LRRC4C: variants seen among roughly 807,000 people sequenced by gnomAD.
The protein encoded by LRRC4C is leucine rich repeat containing 4C.
In LRRC4C, 5 loss-of-function variants were observed where a neutral mutation model predicts 33.6. That is an observed-to-expected ratio of 0.15 (90% CI 0.08 to 0.31). The LOEUF is 0.31. Ranked by LOEUF, LRRC4C falls within the 10% of genes least tolerant of loss-of-function variation. LRRC4C has a pLI of 1.00. For missense variants in LRRC4C, 560 were observed against 796.7 expected, an observed-to-expected ratio of 0.70 and a Z score of 3.58; for synonymous variants, 329 against 302.0, an observed-to-expected ratio of 1.09 and a Z score of -0.93.
rs867267014 is a variant in LRRC4C at position 40,442,537 on chromosome 11, A to G, written c.-269-122816T>C. ...AGAATCAAATACAATGGAACCAGAG[A>G]GAAGGAATCTACTATCAATGCTTCA... On this transcript the variant is annotated intron_variant, in intron 3 of 6. Coordinates refer to ENST00000528697, the MANE Select transcript of LRRC4C (RefSeq NM_001258419.2). 3.9e-5 allele frequency among the ~76,000 whole-genome samples: 6 copies of G among 152,330 alleles called. No homozygotes were observed. In the Middle Eastern group the frequency reaches 0.01, roughly 259 times the overall value.
At chr11:40,919,261 T>C (rs1414912520) in intron 2 of LRRC4C, among the ~76,000 whole-genome samples, 12 of 152,160 alleles carry the variant, frequency 7.9e-5, no homozygotes, top group Non-Finnish European at 1.8e-4. Context: ...TAGGGTCTTA[T>C]AGATCCAGGG....
intron 2 of LRRC4C, among the ~76,000 whole-genome samples, chr11:40,677,043 A>G (rs558483438): frequency 2.7e-4 from 41 of 152,254 alleles, no homozygotes; most frequent in African/African-American, 9.6e-4. Flanking sequence ...TGTGTTTCAC[A>G]TATTTCTCTT....
chr11:40,894,093 G>T (rs948641958), intron 2 of LRRC4C, among the ~76,000 whole-genome samples: 7 of 152,014 alleles, frequency 4.6e-5, no homozygotes, highest in African/African-American at 7.2e-5. Context: ...TAGATGCTTT[G>T]CAGATCAATT....
At chr11:41,008,962 C>T (rs764918787) in intron 1 of LRRC4C, among the ~76,000 whole-genome samples, 5 of 151,766 alleles carry the variant, frequency 3.3e-5, no homozygotes, top group Non-Finnish European at 5.9e-5. Context: ...GTGTCTTCTT[C>T]AATTGAACTA....
At chr11:40,495,420 C>T (rs1014334610) in intron 3 of LRRC4C, among the ~76,000 whole-genome samples, 1 of 152,076 alleles carries the variant, frequency 6.6e-6, no homozygotes, top group Non-Finnish European at 1.5e-5. Flanking sequence ...CACAAATAAC[C>T]TTTGAGTAGA....
chr11:40,379,884 C>A (rs1948797693), intron 3 of LRRC4C, among the ~76,000 whole-genome samples: 1 of 152,168 alleles, frequency 6.6e-6, no homozygotes, highest in African/African-American at 2.4e-5. Flanking sequence ...TGGGCCCCAT[C>A]CCAGACCAAT....
At chr11:41,209,732 G>T (rs1402091890) in intron 1 of LRRC4C, among the ~76,000 whole-genome samples, 2 of 152,090 alleles carry the variant, frequency 1.3e-5, no homozygotes, top group African/African-American at 2.4e-5. Context: ...CTGTTGGGAG[G>T]GGGTGAATGT....
chr11:40,577,832 C>CTT lies in LRRC4C; in HGVS notation c.-270+70308_-270+70309dup, dbSNP rs56061263. 4.9e-3 allele frequency among the ~76,000 whole-genome samples: 588 copies of CTT among 119,310 alleles called. 11 individuals are homozygous for CTT. Among genetic ancestry groups the CTT allele is most frequent in the East Asian group, 0.039 (160 of 4,116 alleles). 78.3% of individuals were successfully genotyped at this position (119,310 alleles called of 152,430 possible). ...TTTTTGTTTGTTTGTTTTCTTTTTT[C>CTT]TTTTTTTTTTTTTTTTTTTTTGAGA... On this transcript the variant is annotated intron_variant, in intron 3 of 6. Coordinates refer to ENST00000528697, the MANE Select transcript of LRRC4C (RefSeq NM_001258419.2).
At chr11:41,424,747 G>A (rs570678824) in intron 1 of LRRC4C, among the ~76,000 whole-genome samples, 45 of 152,140 alleles carry the variant, frequency 3.0e-4, no homozygotes, top group South Asian at 1.7e-3. Context: ...TTAATCAATC[G>A]AAAACCCTGA....
intron 2 of LRRC4C, among the ~76,000 whole-genome samples, chr11:40,750,132 G>A (rs1239851962): frequency 6.6e-6 from 1 of 152,064 alleles, no homozygotes; most frequent in Non-Finnish European, 1.5e-5. Flanking sequence ...TGAGGCAGGA[G>A]AATCACTTGA....
intron 3 of LRRC4C, among the ~76,000 whole-genome samples, chr11:40,482,425 A>T (rs1340631547): frequency 6.6e-6 from 1 of 152,128 alleles, no homozygotes; most frequent in Admixed American, 6.5e-5. Context: ...ATCAGAAAAG[A>T]CAATAAGCTA....
At chr11:40,548,840 A>G (rs1382336312) in intron 3 of LRRC4C, among the ~76,000 whole-genome samples, 1 of 152,150 alleles carries the variant, frequency 6.6e-6, no homozygotes, top group East Asian at 1.9e-4. Context: ...TGAATGTGTT[A>G]GTGCATGTAC....
At chr11:40,869,740 G>A (rs905178046) in intron 2 of LRRC4C, among the ~76,000 whole-genome samples, 1 of 152,146 alleles carries the variant, frequency 6.6e-6, no homozygotes, top group Non-Finnish European at 1.5e-5. Context: ...AGGGACGCAA[G>A]AACCTGGAAG....
At chr11:40,943,051 C>A (rs1565225785) in intron 1 of LRRC4C, among the ~76,000 whole-genome samples, 1 of 151,684 alleles carries the variant, frequency 6.6e-6, no homozygotes. Context: ...ACATGTATGA[C>A]TACAGGAATA....
intron 1 of LRRC4C, among the ~76,000 whole-genome samples, chr11:41,179,703 T>C (rs533522387): frequency 6.6e-6 from 1 of 152,216 alleles, no homozygotes; most frequent in East Asian, 1.9e-4. Context: ...GGTATACAAC[T>C]GTTTCCTACA....
chr11:40,798,285 T>C (rs1950910661), intron 2 of LRRC4C, among the ~76,000 whole-genome samples: 1 of 152,232 alleles, frequency 6.6e-6, no homozygotes, highest in Admixed American at 6.5e-5. Context: ...CCATATGCTG[T>C]GGGTCAGCCT....
intron 2 of LRRC4C, among the ~76,000 whole-genome samples, chr11:40,700,403 G>A (rs1001377427): frequency 6.6e-6 from 1 of 152,018 alleles, no homozygotes; most frequent in African/African-American, 2.4e-5. Flanking sequence ...AGCACCCTAT[G>A]GCATAAATTA....
chr11:41,160,416 A>T (rs1000598514), intron 1 of LRRC4C, among the ~76,000 whole-genome samples: 2 of 152,014 alleles, frequency 1.3e-5, no homozygotes, highest in African/African-American at 4.8e-5. Context: ...TATAGAACAC[A>T]TGGAAGTAAG....
chr11:40,701,867 CTCT>C (rs1945877627), intron 2 of LRRC4C, among the ~76,000 whole-genome samples: 1 of 151,712 alleles, frequency 6.6e-6, no homozygotes, highest in African/African-American at 2.4e-5. Context: ...TCTAGTTTAT[CTCT>C]TCTGGAAAAT....
Sources: gnomAD v4.1 joint callset for allele counts (sites outside exome capture counted in the v4.1 genomes callset) on GRCh38, gnomAD v4.1.1 for gene constraint, MANE v1.5 for transcripts, NCBI Gene and HGNC (gene_info 2026-07-23, HGNC 2026-07-21) for gene names.